The following RBM26 variants were observed in gnomAD, a reference collection of about 807,000 sequenced individuals.
RBM26 encodes RNA binding motif protein 26.
Under a neutral mutation model 123.6 loss-of-function variants are expected in RBM26, and 30 were observed. That is an observed-to-expected ratio of 0.24 (90% CI 0.18 to 0.33). RBM26 has a LOEUF of 0.33. Ranked by LOEUF, RBM26 falls within the 10% of genes least tolerant of loss-of-function variation. The pLI is 1.00. For synonymous variants in RBM26, 400 were observed against 404.4 expected (o/e 0.99, Z 0.13); for missense variants, 947 against 1,203.6 (o/e 0.79, Z 3.15).
chr13:79,405,079 AATCT>A (rs1304881601), intron 1 of RBM26, among the ~76,000 whole-genome samples: 5 of 152,164 alleles, frequency 3.3e-5, no homozygotes, highest in African/African-American at 9.7e-5. Flanking sequence ...CCCAACACAA[AATCT>A]ATCTATAGCA....
intron 1 of RBM26, among the ~76,000 whole-genome samples, chr13:79,397,539 G>A (rs559784592): frequency 5.9e-5 from 9 of 151,516 alleles, no homozygotes; most frequent in South Asian, 2.1e-4. Context: ...AAAGTTAGCC[G>A]GGTGTGGTGG....
chr13:79,350,309 T>C (rs1033599085), intron 14 of RBM26, among the ~76,000 whole-genome samples: 2 of 152,178 alleles, frequency 1.3e-5, no homozygotes, highest in African/African-American at 4.8e-5. Context: ...GAAGATTAAA[T>C]ATTCCACTGG....
chr13:79,373,463 AATAT>A (rs2076282524), intron 3 of RBM26, among the ~76,000 whole-genome samples: 1 of 22,848 alleles, frequency 4.4e-5, no homozygotes, highest in East Asian at 3.8e-3. Flanking sequence ...AAATATATAT[AATAT>A]GTATAAATAT....
intron 9 of RBM26, among the ~76,000 whole-genome samples, chr13:79,364,952 G>C (rs1006581189): frequency 6.6e-6 from 1 of 151,466 alleles, no homozygotes; most frequent in South Asian, 2.1e-4. Context: ...GAATTAAAGC[G>C]TTACTCTCAA....
At chr13:79,344,640 A>G in intron 15 of RBM26, 29 bp downstream of exon 15, 1 of 1,587,998 alleles carries the variant, frequency 6.3e-7, no homozygotes. Flanking sequence ...ATATGCAAAA[A>G]TTTTTTATAC....
intron 19 of RBM26, among the ~76,000 whole-genome samples, chr13:79,336,176 A>C (rs1451934050): frequency 6.6e-6 from 1 of 152,164 alleles, no homozygotes; most frequent in Non-Finnish European, 1.5e-5. Flanking sequence ...TAGCTTACCT[A>C]TTCTTTAAGA....
At chr13:79,312,231 T>C (rs1002130052) in exon 5 of RBM26, 10 of 152,036 alleles carry the variant, frequency 6.6e-5, no homozygotes, top group African/African-American at 1.9e-4. Flanking sequence ...TCCACCGAAA[T>C]TGAGTTTAAA....
rs140242790 is a variant in RBM26 at position 79,403,165 on chromosome 13, A to G, written c.71+2539T>C. On this transcript the variant is annotated intron_variant, in intron 1 of 21. Transcript: ENST00000438737. The stretch of plus-strand genomic sequence containing the variant: ...AACCAACGTTAGAAACCACTGATCC[A>G]TAATTGGGATCAGCTTTTATAAGTC... Among the ~76,000 whole-genome samples the G allele has an allele frequency of 6.0e-4, 92 of 152,314 alleles. 3 individuals are homozygous for G. The East Asian group carries it at 0.016, about 26-fold the overall frequency.
intron 1 of RBM26, among the ~76,000 whole-genome samples, chr13:79,392,964 T>TA (rs1201270872): frequency 1.3e-5 from 2 of 152,190 alleles, no homozygotes; most frequent in Non-Finnish European, 2.9e-5. Context: ...AATCATCTTT[T>TA]AGCAGTCATA....
chr13:79,361,266 C>T (rs7322673), intron 9 of RBM26, among the ~76,000 whole-genome samples: 76,744 of 151,946 alleles, frequency 0.51, 19,781 homozygotes, highest in Middle Eastern at 0.6. Flanking sequence ...CTCAAATCAA[C>T]GCTCTAGACT....
chr13:79,312,020 TTTA>T (rs1371338738), exon 5 of RBM26: 4 of 152,142 alleles, frequency 2.6e-5, no homozygotes, highest in African/African-American at 7.2e-5. Flanking sequence ...CAGTTCAAGT[TTTA>T]TTATTACTTT....
Position 79,371,112 on chromosome 13 carries a change from T to A in RBM26, c.467A>T (p.Asp156Val), listed in dbSNP as rs757857047. The A allele has an allele frequency of 6.2e-6, 10 of 1,614,186 alleles. No homozygotes were observed. Among genetic ancestry groups the A allele is most frequent in the Non-Finnish European group, 8.5e-6 (10 of 1,180,028 alleles). ...TGAATCTCTTCGAGGAGGGTTTCGA[T>A]CATAATCTCTTTTGCGAGAACGATC... Reference protein sequence around the residue: ...KDDRSRKRDYDRNPPRRDSYR... With the variant: ...KDDRSRKRDYVRNPPRRDSYR... The change falls in exon 5 of 22, where the codon GAT (aspartate) becomes GTT (valine). Residue 156 changes from aspartate (D) to valine (V), a missense_variant. By Grantham distance (152) the Asp-to-Val change is radical (BLOSUM62 -3). Transcript: ENST00000438737.
Position 79,376,945 on chromosome 13 carries a change from C to T in RBM26, c.327+434G>A, listed in dbSNP as rs1030312788. ...CAATATGGTCTACACTGAACATCTG[C>T]CTTCCTCCCAGGAGTCTGGAATTTT... On this transcript the variant is annotated intron_variant, in intron 3 of 21. Transcript: ENST00000438737. 3 of 158,112 alleles carry T rather than the reference C, an allele frequency of 1.9e-5. No homozygotes were observed. The East Asian group carries it at 5.3e-4, about 28-fold the overall frequency. The allele number at this position is 158,112 out of a possible 1,614,324, so 9.8% of individuals were successfully genotyped here.
chr13:79,345,794 T>C (rs961814510), intron 14 of RBM26, among the ~76,000 whole-genome samples: 4 of 152,048 alleles, frequency 2.6e-5, no homozygotes, highest in Admixed American at 6.6e-5. Flanking sequence ...TGCACTAAAC[T>C]AGACTGAAAT....
intron 14 of RBM26, among the ~76,000 whole-genome samples, chr13:79,347,853 C>A (rs752437837): frequency 6.6e-6 from 1 of 152,038 alleles, no homozygotes; most frequent in African/African-American, 2.4e-5. Flanking sequence ...TCTTTCCCAA[C>A]CTCAAGGAAA....
Position 79,320,007 on chromosome 13 carries a change from TA to T in RBM26, c.*613del. 13 of 886,540 alleles carry T rather than the reference TA, an allele frequency of 1.5e-5. No individual in the cohort carries two copies. The highest frequency in any genetic ancestry group is 1.6e-5 in the Non-Finnish European group (12 of 742,846). 54.9% of individuals were successfully genotyped at this position (886,540 alleles called of 1,614,324 possible). ...TCTCTTTTCTTTCCTTTTTTTTTTTTAAAGAGACCATTCCACTTTATTATAA... is the reference window on the plus strand; with the variant it reads ...TCTCTTTTCTTTCCTTTTTTTTTTTTAAGAGACCATTCCACTTTATTATAA... On this transcript the variant is annotated 3_prime_UTR_variant, in exon 22 of 22. Coordinates refer to ENST00000438737, the MANE Select transcript of RBM26 (RefSeq NM_001366735.2).
intron 14 of RBM26, among the ~76,000 whole-genome samples, chr13:79,347,110 G>A (rs1010592271): frequency 2.6e-5 from 4 of 152,158 alleles, no homozygotes; most frequent in Non-Finnish European, 5.9e-5. Context: ...ATCAGACTAA[G>A]GAGTGCTGGT....
At chr13:79,361,365 T>A (rs1010139540) in intron 9 of RBM26, among the ~76,000 whole-genome samples, 3 of 151,800 alleles carry the variant, frequency 2.0e-5, no homozygotes, top group Non-Finnish European at 2.9e-5. Context: ...TACTCCATTT[T>A]AAAAAAAAGA....
At chr13:79,397,332 C>T (rs761267201) in intron 1 of RBM26, among the ~76,000 whole-genome samples, 11 of 152,028 alleles carry the variant, frequency 7.2e-5, no homozygotes, top group Middle Eastern at 3.2e-3. Flanking sequence ...AACATTTAAT[C>T]TCTTTCCCTT....
Sources: gnomAD v4.1 joint callset for allele counts (sites outside exome capture counted in the v4.1 genomes callset) on GRCh38, gnomAD v4.1.1 for gene constraint, MANE v1.5 for transcripts, NCBI Gene and HGNC (gene_info 2026-07-23, HGNC 2026-07-21) for gene names.